Variants in KCND3 observed in about 807,000 individuals in gnomAD.
KCND3 encodes the protein potassium voltage-gated channel subfamily D member 3, also known as A-type voltage-gated potassium channel KCND3.
A neutral mutation model predicts 51.1 loss-of-function variants in KCND3; 9 were observed. The ratio of observed to expected loss-of-function variants is 0.18; its 90% CI spans 0.11 to 0.31. KCND3 has a LOEUF of 0.31. Among genes scored for constraint, KCND3 ranks in the 10% least tolerant of loss-of-function variants. The probability of loss-of-function intolerance (pLI) is 1.00; values close to 1 mark genes in which losing one functional copy is unlikely to be tolerated. For synonymous variants in KCND3, 349 were observed against 368.0 expected (o/e 0.95, Z 0.59); for missense variants, 526 against 903.8 (o/e 0.58, Z 5.36).
At chr1:111,800,638 GGATGCATTGGCTCA>G (rs1221158530) in intron 2 of KCND3, among the ~76,000 whole-genome samples, 1 of 152,188 alleles carries the variant, frequency 6.6e-6, no homozygotes, top group Non-Finnish European at 1.5e-5. Context: ...CCTGCCCTAT[GGATGCATTGGCTCA>G]GAGTGTGGTC....
intron 2 of KCND3, among the ~76,000 whole-genome samples, chr1:111,907,066 C>G (rs1571832466): frequency 6.6e-6 from 1 of 152,190 alleles, no homozygotes; most frequent in African/African-American, 2.4e-5. Flanking sequence ...CCCCTACTGT[C>G]CCCCAATCCT....
intron 2 of KCND3, among the ~76,000 whole-genome samples, chr1:111,871,846 G>C (rs1668840742): frequency 6.6e-6 from 1 of 152,150 alleles, no homozygotes; most frequent in Non-Finnish European, 1.5e-5. Flanking sequence ...CAGGAGGAGA[G>C]AGCAGGTGAA....
chr1:111,933,064 G>A (rs1167228895), intron 2 of KCND3, among the ~76,000 whole-genome samples: 6 of 152,176 alleles, frequency 3.9e-5, no homozygotes, highest in Non-Finnish European at 7.3e-5. Context: ...TTATGGGGGC[G>A]GTTTCCCCCA....
intron 2 of KCND3, among the ~76,000 whole-genome samples, chr1:111,829,539 ACTACAAAT>A (rs1416753367): frequency 6.6e-6 from 1 of 152,146 alleles, no homozygotes; most frequent in East Asian, 1.9e-4. Context: ...TGGGGGAAAG[ACTACAAAT>A]CTGATTTCAG....
chr1:111,771,642 A>C lies in KCND3; in HGVS notation c.*4435T>G, dbSNP rs564937233. 6.6e-5 allele frequency: 10 copies of C among 152,350 alleles called. No individual in the cohort carries two copies. The highest frequency in any genetic ancestry group is 5.2e-4 in the Admixed American group (8 of 15,308). 9.4% of individuals were successfully genotyped at this position (152,350 alleles called of 1,614,324 possible). A position where few individuals can be genotyped will look rare whatever the true frequency, so the allele number is the denominator to read the frequency against. Reference sequence around the variant, plus strand: ...TGTACATTTTCCTTGTCTACAATCTAATAAGTGATATCCTGAACTGTAGGA... The same window carrying C: ...TGTACATTTTCCTTGTCTACAATCTCATAAGTGATATCCTGAACTGTAGGA... On this transcript the variant is annotated 3_prime_UTR_variant, in exon 8 of 8. Transcript: ENST00000302127.
At chr1:111,979,953 C>A (rs752199162) in intron 2 of KCND3, among the ~76,000 whole-genome samples, 7 of 152,124 alleles carry the variant, frequency 4.6e-5, no homozygotes, top group Non-Finnish European at 8.8e-5. Flanking sequence ...AGAGCCACAT[C>A]AGGAGCTTGA....
chr1:111,969,968 G>A (rs900398978), intron 2 of KCND3, among the ~76,000 whole-genome samples: 6 of 151,892 alleles, frequency 4.0e-5, no homozygotes, highest in African/African-American at 1.5e-4. Flanking sequence ...CCTCTTACCA[G>A]CTTTCTCTCT....
chr1:111,803,898 C>G (rs1557946560), intron 2 of KCND3, among the ~76,000 whole-genome samples: 1 of 152,232 alleles, frequency 6.6e-6, no homozygotes, highest in Non-Finnish European at 1.5e-5. Context: ...ATGTGACAAA[C>G]AGTCCTGCAA....
intron 2 of KCND3, among the ~76,000 whole-genome samples, chr1:111,924,002 C>T (rs1022961004): frequency 6.6e-6 from 1 of 152,196 alleles, no homozygotes; most frequent in Non-Finnish European, 1.5e-5. Flanking sequence ...AGTTGTTCCT[C>T]CAATGTGCCC....
At chr1:111,904,176 C>T (rs577136432) in intron 2 of KCND3, among the ~76,000 whole-genome samples, 4 of 151,836 alleles carry the variant, frequency 2.6e-5, no homozygotes, top group East Asian at 3.9e-4. Context: ...GGTGGAGTCC[C>T]GCCAAAGGGA....
intron 2 of KCND3, among the ~76,000 whole-genome samples, chr1:111,913,124 AT>A (rs1306834803): frequency 7.1e-6 from 1 of 140,466 alleles, no homozygotes; most frequent in Non-Finnish European, 1.6e-5. Flanking sequence ...TTTATACTGT[AT>A]TTTTACTGTA....
chr1:111,803,151 G>T (rs1011981323), intron 2 of KCND3, among the ~76,000 whole-genome samples: 2 of 152,094 alleles, frequency 1.3e-5, no homozygotes, highest in Non-Finnish European at 1.5e-5. Context: ...TCTGTTTCCT[G>T]CCCTCTAGTT....
rs552599565 is a variant in KCND3 at position 111,959,048 on chromosome 1, TCA to T, written c.1106+22571_1106+22572del. ...GGGAAACACACTCTCGCACACACACTCACAGAGTCAGCCAGACTGCATAACAG... is the reference window on the plus strand; with the variant it reads ...GGGAAACACACTCTCGCACACACACTCAGAGTCAGCCAGACTGCATAACAG... On this transcript the variant is annotated intron_variant, in intron 2 of 7. Coordinates refer to ENST00000302127, the MANE Select transcript of KCND3 (RefSeq NM_001378969.1). Among the ~76,000 whole-genome samples the T allele has an allele frequency of 6.3e-3, 956 of 152,254 alleles. 7 individuals carry two copies. The highest frequency in any genetic ancestry group is 0.011 in the Non-Finnish European group (781 of 68,022).
intron 2 of KCND3, among the ~76,000 whole-genome samples, chr1:111,829,345 G>A (rs970535015): frequency 1.3e-5 from 2 of 152,150 alleles, no homozygotes; most frequent in African/African-American, 4.8e-5. Context: ...GAAGAAATGG[G>A]CTGGAAGAGT....
At chr1:111,869,681 T>C (rs900669766) in intron 2 of KCND3, among the ~76,000 whole-genome samples, 6 of 152,242 alleles carry the variant, frequency 3.9e-5, no homozygotes, top group African/African-American at 1.4e-4. Context: ...CCTCATTTAA[T>C]AACACTGCAA....
intron 2 of KCND3, among the ~76,000 whole-genome samples, chr1:111,866,385 C>A (rs1668574379): frequency 6.6e-6 from 1 of 151,540 alleles, no homozygotes; most frequent in African/African-American, 2.4e-5. Context: ...CCACCTCAGC[C>A]TTCTGAGTAG....
intron 2 of KCND3, among the ~76,000 whole-genome samples, chr1:111,950,476 G>A (rs147436821): frequency 6.6e-6 from 1 of 152,034 alleles, no homozygotes; most frequent in Non-Finnish European, 1.5e-5. Flanking sequence ...CTCTCCCCTC[G>A]ATCCAGCCCG....
chr1:111,863,254 A>G (rs989755210), intron 2 of KCND3, among the ~76,000 whole-genome samples: 2 of 152,246 alleles, frequency 1.3e-5, no homozygotes, highest in African/African-American at 4.8e-5. Context: ...TGACTAATTA[A>G]AAGTTCATTC....
intron 2 of KCND3, among the ~76,000 whole-genome samples, chr1:111,835,109 G>T (rs1049590085): frequency 1.3e-5 from 2 of 152,176 alleles, no homozygotes; most frequent in African/African-American, 4.8e-5. Context: ...AGAGATTGAG[G>T]CAGCGCTGGG....
Sources: gnomAD v4.1 joint callset for allele counts (sites outside exome capture counted in the v4.1 genomes callset) on GRCh38, gnomAD v4.1.1 for gene constraint, MANE v1.5 for transcripts, NCBI Gene and HGNC (gene_info 2026-07-23, HGNC 2026-07-21) for gene names.